Variants in LTBP2 observed in about 807,000 individuals in gnomAD.
LTBP2 encodes the protein latent-transforming growth factor beta-binding protein 2.
In LTBP2, 103 loss-of-function variants were observed where a neutral mutation model predicts 210.6. The observed-to-expected ratio is 0.49, with a 90% CI of 0.42 to 0.58. The LOEUF is 0.58. Among genes scored for constraint, LTBP2 ranks in the 20% least tolerant of loss-of-function variants. The pLI is 0.00. For missense variants in LTBP2, 2,313 were observed against 2,494.5 expected (o/e 0.93, Z 1.55); for synonymous variants, 1,007 against 1,015.0 (o/e 0.99, Z 0.15).
At position 74,510,092 on chromosome 14, in the gene LTBP2, T is replaced by A; in HGVS notation, c.3150A>T (p.Gln1050His). The change falls in exon 20 of 36, where the codon CAA becomes CAT. Residue 1050 changes from glutamine to histidine, a missense_variant and splice_region_variant. Around this residue, in one of 3 missense-constraint regions of LTBP2, gnomAD observed 1,867 missense variants for 1,976.9 expected, o/e 0.94. Transcript: ENST00000261978. ...YEVTSDEKGC[Q>H]DVDECASRAS... ...AGGGGCGCTTCAGCATCTCTGTACC[T>A]TGGCAGCCCTTCTCATCTGAGGTGA... 2 of 1,614,072 alleles carry A rather than the reference T, an allele frequency of 1.2e-6. No homozygotes were observed. The highest frequency in any genetic ancestry group is 1.7e-6 in the Non-Finnish European group (2 of 1,180,002).
intron 26 of LTBP2, 85 bp from the exon 27 acceptor site, chr14:74,506,908 C>T: frequency 6.3e-7 from 1 of 1,583,542 alleles, no homozygotes; most frequent in Non-Finnish European, 8.6e-7. Flanking sequence ...CACTCTCTCA[C>T]ACGCATGCAC....
intron 2 of LTBP2, among the ~76,000 whole-genome samples, chr14:74,600,327 G>T (rs532560457): frequency 6.6e-6 from 1 of 152,338 alleles, no homozygotes; most frequent in East Asian, 1.9e-4. Flanking sequence ...TGGCCTGTAT[G>T]CCTGGGTCAG....
chr14:74,508,070 G>A lies in LTBP2; in HGVS notation c.3678C>T (p.Asp1226=). The A allele has an allele frequency of 6.2e-7, 1 of 1,613,890 alleles. No homozygotes were observed. The highest frequency in any genetic ancestry group is 8.5e-7 in the Non-Finnish European group (1 of 1,180,016). Residue 1226 remains aspartate, a synonymous_variant, in exon 25 of 36, where the codon GAC becomes GAT. Transcript: ENST00000261978. ...TGACACAGTGCCCTCCCACACACGG[G>A]TCTGTGGTGGCACACTCGTCCACAT... ...CQDVDECATT[D]PCVGGHCVNT... is the part of the protein sequence containing the mutation.
chr14:74,516,787 G>C, intron 18 of LTBP2, 35 bp downstream of exon 18: 14 of 1,539,462 alleles, frequency 9.1e-6, no homozygotes, highest in Non-Finnish European at 1.2e-5. Context: ...TGGGTGGTGG[G>C]GTGGCAGGGC....
rs1447245804 is a variant in LTBP2 at position 74,525,297 on chromosome 14, T to A, written c.2429-72A>T. ...GCCATGGCCCTTCCCTCTTCCCTGG[T>A]GCTCAGACTCCCAAGAACGAAGGGT... On this transcript the variant is annotated intron_variant, in intron 14 of 35. Coordinates refer to ENST00000261978, the MANE Select transcript of LTBP2 (RefSeq NM_000428.3). The A allele has an allele frequency of 9.8e-6, 8 of 817,098 alleles. No homozygotes were observed. The South Asian group carries it at 3.7e-4, about 38-fold the overall frequency. The allele number at this position is 817,098 out of a possible 1,614,324, so 50.6% of individuals were successfully genotyped here.
At chr14:74,536,743 G>A (rs149764667) in intron 8 of LTBP2, among the ~76,000 whole-genome samples, 2,039 of 152,308 alleles carry the variant, frequency 0.013, 48 homozygotes, top group African/African-American at 0.046. Context: ...CTACTCAGGA[G>A]GCTGAGGCAG....
intron 13 of LTBP2, 101 bp downstream of exon 13, chr14:74,527,246 C>T (rs2087284911): frequency 5.7e-6 from 8 of 1,395,150 alleles, no homozygotes; most frequent in Non-Finnish European, 7.9e-6. Context: ...CATCTTTCTC[C>T]CTCTCCCTCC....
chr14:74,540,946 T>A (rs1228360988), intron 8 of LTBP2, among the ~76,000 whole-genome samples: 29 of 126,580 alleles, frequency 2.3e-4, no homozygotes, highest in African/African-American at 8.3e-4. Flanking sequence ...ATATATATAT[T>A]TTTTATATAT....
At chr14:74,529,175 G>A (rs2087318720) in intron 10 of LTBP2, 53 bp from the exon 11 acceptor site, 2 of 1,546,456 alleles carry the variant, frequency 1.3e-6, no homozygotes, top group South Asian at 1.2e-5. Context: ...GGAGGGGAAT[G>A]CGCAGCTGGG....
intron 2 of LTBP2, among the ~76,000 whole-genome samples, chr14:74,598,828 C>T (rs75742327): frequency 0.017 from 2,648 of 152,226 alleles, 81 homozygotes; most frequent in African/African-American, 0.061. Context: ...ACTTAGCCTG[C>T]GCCAGGCTGT....
intron 3 of LTBP2, among the ~76,000 whole-genome samples, chr14:74,564,307 TTATA>T (rs1187274505): frequency 1.4e-4 from 2 of 14,028 alleles, no homozygotes; most frequent in Non-Finnish European, 1.2e-4. Flanking sequence ...TTATATATAT[TTATA>T]TATATATTTA....
At chr14:74,513,667 G>A (rs943409451) in intron 18 of LTBP2, among the ~76,000 whole-genome samples, 3 of 149,918 alleles carry the variant, frequency 2.0e-5, no homozygotes, top group African/African-American at 7.6e-5. Context: ...GCCGGGTGTG[G>A]TGGTGGGCAC....
intron 2 of LTBP2, among the ~76,000 whole-genome samples, chr14:74,594,861 C>T (rs1056622482): frequency 6.6e-6 from 1 of 152,218 alleles, no homozygotes; most frequent in African/African-American, 2.4e-5. Flanking sequence ...TCAAGCTCTG[C>T]CCAGGGGCTG....
intron 30 of LTBP2, among the ~76,000 whole-genome samples, chr14:74,504,509 G>T (rs535821107): frequency 8.7e-4 from 133 of 152,362 alleles, no homozygotes; most frequent in Non-Finnish European, 1.2e-3. Flanking sequence ...GGCTGTGGGT[G>T]AGAGTTAGTC....
rs3742793 is a variant in LTBP2, at chr14:74,603,790, G to C, written c.495-85C>G. The stretch of plus-strand genomic sequence containing the variant: ...GCCCCTCCGACAGTCCCACCTTCTA[G>C]AGGCAGGGCCTGGAGGAACATGGAG... On this transcript the variant is annotated intron_variant, in intron 1 of 35. Transcript: ENST00000261978. The C allele has an allele frequency of 0.47, 530,805 of 1,128,366 alleles. 128,592 individuals are homozygous for C. The highest frequency in any genetic ancestry group is 0.52 in the Middle Eastern group (2,674 of 5,114). The allele number at this position is 1,128,366 out of a possible 1,614,324, so 69.9% of individuals were successfully genotyped here.
chr14:74,586,166 G>T lies in LTBP2; in HGVS notation c.566-48C>A. ...GACAGCAGTGGCCATAGGGCACTGA[G>T]ACCACAGCTGCCCACACCTTCCTGT... On this transcript the variant is annotated intron_variant, in intron 2 of 35. Coordinates refer to ENST00000261978, the MANE Select transcript of LTBP2 (RefSeq NM_000428.3). The surrounding 1 kb of genome is among the most constrained non-coding windows in gnomAD (Gnocchi z 4.6). 6.4e-7 allele frequency: 1 copy of T among 1,553,244 alleles called. No individual in the cohort carries two copies. The highest frequency in any genetic ancestry group is 8.7e-7 in the Non-Finnish European group (1 of 1,147,920).
rs145355511 is a variant in LTBP2 at position 74,499,745 on chromosome 14, C to A, written c.*1139G>T. The A allele has an allele frequency of 8.8e-6, 2 of 227,254 alleles. No individual in the cohort carries two copies. The highest frequency in any genetic ancestry group is 4.4e-5 in the African/African-American group (2 of 45,110). The allele number at this position is 227,254 out of a possible 1,614,324, so 14.1% of individuals were successfully genotyped here. The stretch of plus-strand genomic sequence containing the variant: ...AATTTAATCTGATATGAAATAAAAA[C>A]AACAGAAGAGACCAGATGCACATTT... On this transcript the variant is annotated 3_prime_UTR_variant, in exon 36 of 36. Transcript: ENST00000261978.
chr14:74,501,816 A>G, intron 34 of LTBP2: 1 of 585,258 alleles, frequency 1.7e-6, no homozygotes. Context: ...CTGGGCTTCA[A>G]ATGAGGGCTC....
At chr14:74,555,415 C>G in intron 4 of LTBP2, 88 bp downstream of exon 4, 1 of 1,379,618 alleles carries the variant, frequency 7.2e-7, no homozygotes, top group East Asian at 2.3e-5. Context: ...AACTCAGCCC[C>G]TCTGTGAGAG....
Sources: gnomAD v4.1 joint callset for allele counts (sites outside exome capture counted in the v4.1 genomes callset) on GRCh38, gnomAD v4.1.1 for gene constraint, gnomAD v4.1.1 regional missense constraint, Gnocchi (gnomAD v3.1) non-coding constraint, MANE v1.5 for transcripts, NCBI Gene and HGNC (gene_info 2026-07-23, HGNC 2026-07-21) for gene names.